VAMP7: variants seen among roughly 807,000 people sequenced by gnomAD.
VAMP7 encodes vesicle associated membrane protein 7.
Under a neutral mutation model 29.6 loss-of-function variants are expected in VAMP7, and 14 were observed. The observed-to-expected ratio is 0.47, with a 90% CI of 0.31 to 0.74. The LOEUF is 0.74. VAMP7 is among the 30% of genes least tolerant of loss of function. The pLI is 0.05. For missense variants in VAMP7, 223 were observed against 262.4 expected, an observed-to-expected ratio of 0.85 and a Z score of 1.04; for synonymous variants, 95 against 88.1, an observed-to-expected ratio of 1.08 and a Z score of -0.44.
intron 5 of VAMP7, among the ~76,000 whole-genome samples, chrX:155,903,086 G>C (rs2066091498): frequency 1.3e-5 from 2 of 152,042 alleles, no homozygotes; most frequent in East Asian, 1.9e-4. Context: ...CTTCTTCCTG[G>C]TTTAGTCTTG....
intron 5 of VAMP7, among the ~76,000 whole-genome samples, chrX:155,916,407 G>T (rs1206940047): frequency 6.6e-6 from 1 of 152,180 alleles, no homozygotes; most frequent in African/African-American, 2.4e-5. Context: ...TATAATGCTA[G>T]TTGGTTATTT....
At chrX:155,922,813 C>T (rs1196418515) in intron 6 of VAMP7, among the ~76,000 whole-genome samples, 2 of 151,992 alleles carry the variant, frequency 1.3e-5, no homozygotes, top group Admixed American at 6.5e-5. Context: ...GATTGGGCCT[C>T]GAGTTTTCTT....
intron 5 of VAMP7, among the ~76,000 whole-genome samples, chrX:155,916,994 A>T (rs2066322717): frequency 6.6e-6 from 1 of 152,176 alleles, no homozygotes; most frequent in African/African-American, 2.4e-5. Context: ...CAAGCACACC[A>T]ATCAAACATA....
chrX:155,927,462 C>T (rs2066485830), intron 6 of VAMP7, among the ~76,000 whole-genome samples: 1 of 141,646 alleles, frequency 7.1e-6, no homozygotes, highest in Non-Finnish European at 1.5e-5. Flanking sequence ...CATGGGGTTT[C>T]CACAGACCTT....
At chrX:155,884,776 A>C (rs754526201) in intron 1 of VAMP7, among the ~76,000 whole-genome samples, 2 of 152,362 alleles carry the variant, frequency 1.3e-5, no homozygotes, top group African/African-American at 4.8e-5. Flanking sequence ...CAGAATTAAA[A>C]GATTTCTCAA....
At chrX:155,938,093 A>G (rs2066689327) in intron 6 of VAMP7, among the ~76,000 whole-genome samples, 1 of 152,128 alleles carries the variant, frequency 6.6e-6, no homozygotes, top group Admixed American at 6.5e-5. Flanking sequence ...TAGTTCAATT[A>G]TGTCTTGTAT....
At chrX:155,930,976 T>C (rs2124382682) in intron 6 of VAMP7, among the ~76,000 whole-genome samples, 1 of 152,266 alleles carries the variant, frequency 6.6e-6, no homozygotes, top group South Asian at 2.1e-4. Flanking sequence ...TTTTTTGTCC[T>C]TGCAGTAGTT....
intron 3 of VAMP7, among the ~76,000 whole-genome samples, chrX:155,896,595 G>C (rs1041601919): frequency 6.6e-6 from 1 of 152,092 alleles, no homozygotes; most frequent in Non-Finnish European, 1.5e-5. Context: ...TGGTTTCGTA[G>C]AGCTACATAC....
intron 2 of VAMP7, among the ~76,000 whole-genome samples, chrX:155,891,436 C>G (rs1271650034): frequency 1.3e-5 from 2 of 152,106 alleles, no homozygotes; most frequent in African/African-American, 4.8e-5. Flanking sequence ...ATCCATCAGG[C>G]CCTGGTGTGG....
At position 155,932,041 on chromosome X, in the gene VAMP7, G is replaced by C. The variant is rs1372778401; in HGVS notation, c.502-7660G>C. On this transcript the variant is annotated intron_variant, in intron 6 of 7. Transcript: ENST00000286448. Reference sequence around the variant, plus strand: ...GTAGATGTGTGGTATTACTTCTGAGGGCTCTGTTCTGTTCCATTGGTCTAT... The same window carrying C: ...GTAGATGTGTGGTATTACTTCTGAGCGCTCTGTTCTGTTCCATTGGTCTAT... 1.4e-3 allele frequency among the ~76,000 whole-genome samples: 207 copies of C among 152,072 alleles called. 7 individuals carry two copies. The South Asian group carries it at 0.043, about 32-fold the overall frequency.
intron 6 of VAMP7, among the ~76,000 whole-genome samples, chrX:155,925,703 G>A (rs1315223834): frequency 1.3e-5 from 2 of 152,164 alleles, no homozygotes; most frequent in African/African-American, 2.4e-5. Flanking sequence ...GAGACAAATG[G>A]TTCTATTCTT....
At chrX:155,899,228 A>G (rs2066027203) in intron 4 of VAMP7, among the ~76,000 whole-genome samples, 1 of 151,140 alleles carries the variant, frequency 6.6e-6, no homozygotes, top group Admixed American at 6.6e-5. Flanking sequence ...TTTTTTTTCC[A>G]AAGTGGTTGT....
intron 5 of VAMP7, among the ~76,000 whole-genome samples, chrX:155,904,911 T>TATTATAG (rs1414397715): frequency 6.8e-6 from 1 of 147,232 alleles, no homozygotes; most frequent in Non-Finnish European, 1.5e-5. Context: ...ATATATTATA[T>TATTATAG]ATATATATAT....
At chrX:155,900,119 C>T (rs781362508) in intron 4 of VAMP7, among the ~76,000 whole-genome samples, 1 of 152,078 alleles carries the variant, frequency 6.6e-6, no homozygotes, top group Non-Finnish European at 1.5e-5. Context: ...AACAATTTTG[C>T]AGCATTCTTT....
Position 155,942,280 on chromosome X carries a change from C to G in VAMP7, c.*329C>G. 1.9e-6 allele frequency: 2 copies of G among 1,063,006 alleles called. No homozygotes were observed. Among genetic ancestry groups the G allele is most frequent in the Non-Finnish European group, 2.7e-6 (2 of 753,080 alleles). The allele number at this position is 1,063,006 out of a possible 1,614,324, so 65.8% of individuals were successfully genotyped here. A position where few individuals can be genotyped will look rare whatever the true frequency, so the allele number is the denominator to read the frequency against. On this transcript the variant is annotated 3_prime_UTR_variant, in exon 8 of 8. Transcript: ENST00000286448. Reference sequence around the variant, plus strand: ...AAGCTGTCGCCGCTAGTCTTATGAGCTATCTACTAAAACTATGGAGAAACT... The same window carrying G: ...AAGCTGTCGCCGCTAGTCTTATGAGGTATCTACTAAAACTATGGAGAAACT...
At chrX:155,938,670 G>T (rs58469214) in intron 6 of VAMP7, among the ~76,000 whole-genome samples, 2,730 of 152,144 alleles carry the variant, frequency 0.018, 91 homozygotes, top group African/African-American at 0.063. Flanking sequence ...CATAGCAGGG[G>T]CCGAGAGTGG....
At chrX:155,912,870 A>G (rs1465265145) in intron 5 of VAMP7, among the ~76,000 whole-genome samples, 2 of 152,216 alleles carry the variant, frequency 1.3e-5, no homozygotes, top group African/African-American at 4.8e-5. Flanking sequence ...CTTTGGGTAT[A>G]TACCCAATAA....
intron 4 of VAMP7, among the ~76,000 whole-genome samples, chrX:155,898,523 G>C (rs1308271567): frequency 2.0e-5 from 3 of 151,972 alleles, no homozygotes; most frequent in Non-Finnish European, 4.4e-5. Flanking sequence ...CCCATCTGAT[G>C]CTTAAATGTG....
At chrX:155,931,642 T>G (rs962126292) in intron 6 of VAMP7, among the ~76,000 whole-genome samples, 1 of 152,162 alleles carries the variant, frequency 6.6e-6, no homozygotes, top group Non-Finnish European at 1.5e-5. Flanking sequence ...ATTGCAAAAC[T>G]TTTCTCCCAC....
Sources: gnomAD v4.1 joint callset for allele counts (sites outside exome capture counted in the v4.1 genomes callset) on GRCh38, gnomAD v4.1.1 for gene constraint, MANE v1.5 for transcripts, NCBI Gene and HGNC (gene_info 2026-07-23, HGNC 2026-07-21) for gene names.